PPP3CB: variants seen among roughly 807,000 people sequenced by gnomAD.
PPP3CB encodes serine/threonine-protein phosphatase 2B catalytic subunit beta isoform.
A neutral mutation model predicts 66.4 loss-of-function variants in PPP3CB; 8 were observed. The ratio of observed to expected loss-of-function variants is 0.12; its 90% CI spans 0.07 to 0.22. The LOEUF is 0.22. Ranked by LOEUF, PPP3CB falls within the 10% of genes least tolerant of loss-of-function variation. The pLI is 1.00. For missense variants in PPP3CB, 319 were observed against 642.5 expected (o/e 0.50, Z 5.44); for synonymous variants, 208 against 221.2 (o/e 0.94, Z 0.53).
chr10:73,489,361 G>A (rs2057035793), intron 1 of PPP3CB, among the ~76,000 whole-genome samples: 1 of 151,222 alleles, frequency 6.6e-6, no homozygotes, highest in African/African-American at 2.4e-5. Context: ...GCCAGAATTA[G>A]CCATCAAAAA....
intron 13 of PPP3CB, 23 bp from the exon 14 acceptor site, chr10:73,438,443 A>C: frequency 6.4e-7 from 1 of 1,565,142 alleles, no homozygotes; most frequent in African/African-American, 1.4e-5. Flanking sequence ...CAAATTTGAT[A>C]AGTCAGTAAT....
intron 9 of PPP3CB, 63 bp from the exon 10 acceptor site, chr10:73,454,552 G>C: frequency 9.3e-7 from 1 of 1,070,374 alleles, no homozygotes; most frequent in South Asian, 1.5e-5. Flanking sequence ...CATACACATA[G>C]CAACTATTTT....
chr10:73,450,784 G>A (rs899925696), intron 10 of PPP3CB, among the ~76,000 whole-genome samples: 1 of 152,098 alleles, frequency 6.6e-6, no homozygotes, highest in African/African-American at 2.4e-5. Context: ...AAGAAAACCT[G>A]AGAAATTAGG....
At chr10:73,467,124 TATAGA>T (rs2056629582) in intron 9 of PPP3CB, 1 of 152,130 alleles carries the variant, frequency 6.6e-6, no homozygotes, top group Non-Finnish European at 1.5e-5. Flanking sequence ...TCTCTTAAAG[TATAGA>T]ACAGCTATTA....
At chr10:73,451,795 G>T (rs1439267745) in intron 10 of PPP3CB, among the ~76,000 whole-genome samples, 2 of 149,520 alleles carry the variant, frequency 1.3e-5, no homozygotes, top group Admixed American at 1.3e-4. Flanking sequence ...GCCCAGGCTG[G>T]AGTGCAGTGG....
intron 1 of PPP3CB, among the ~76,000 whole-genome samples, chr10:73,482,903 C>A (rs1370708965): frequency 6.6e-6 from 1 of 152,152 alleles, no homozygotes; most frequent in African/African-American, 2.4e-5. Context: ...CAAGCGTCAG[C>A]CACTGTGCCT....
chr10:73,463,271 A>G (rs958209937), intron 9 of PPP3CB, among the ~76,000 whole-genome samples: 3 of 152,158 alleles, frequency 2.0e-5, no homozygotes, highest in Admixed American at 6.6e-5. Flanking sequence ...GTGTAACTTC[A>G]TAACAGGTCT....
chr10:73,468,353 T>A (rs886817196), intron 8 of PPP3CB, among the ~76,000 whole-genome samples: 2 of 152,208 alleles, frequency 1.3e-5, no homozygotes, highest in Non-Finnish European at 2.9e-5. Context: ...TATGTTGATA[T>A]AATTAAAATC....
chr10:73,442,600 T>C (rs2056166343), intron 12 of PPP3CB, among the ~76,000 whole-genome samples: 1 of 152,210 alleles, frequency 6.6e-6, no homozygotes, highest in Non-Finnish European at 1.5e-5. Flanking sequence ...ATCAAATGTT[T>C]AAGATCTTGT....
At chr10:73,449,349 GTCCAATCTGGGAAATTTGGGGGACA>G (rs1276146646) in intron 10 of PPP3CB, among the ~76,000 whole-genome samples, 7 of 151,026 alleles carry the variant, frequency 4.6e-5, no homozygotes, top group Non-Finnish European at 1.0e-4. Context: ...TCTGTCCCCA[GTCCAATCTGGGAAATTTGGGGGACA>G]TCTTTTTGCA....
intron 9 of PPP3CB, chr10:73,466,950 C>A (rs1180977344): frequency 1.3e-5 from 2 of 152,072 alleles, no homozygotes; most frequent in Non-Finnish European, 2.9e-5. Context: ...AAATGAAACA[C>A]AGAAACAGAA....
intron 1 of PPP3CB, among the ~76,000 whole-genome samples, chr10:73,481,404 C>T (rs1282234541): frequency 6.6e-6 from 1 of 150,706 alleles, no homozygotes; most frequent in African/African-American, 2.4e-5. Context: ...CCCGGGGAGG[C>T]AGAAGTTGCA....
chr10:73,478,679 A>T, intron 2 of PPP3CB, 56 bp from the exon 3 acceptor site: 1 of 1,495,840 alleles, frequency 6.7e-7, no homozygotes, highest in East Asian at 2.3e-5. Flanking sequence ...AACAAATTTT[A>T]CTTAAGTTAA....
At chr10:73,447,238 T>C (rs1233794597) in intron 10 of PPP3CB, among the ~76,000 whole-genome samples, 1 of 152,158 alleles carries the variant, frequency 6.6e-6, no homozygotes, top group African/African-American at 2.4e-5. Flanking sequence ...TAGGTGAGTA[T>C]GACATAAGCA....
chr10:73,482,213 T>C (rs958433662), intron 1 of PPP3CB, among the ~76,000 whole-genome samples: 31 of 152,222 alleles, frequency 2.0e-4, no homozygotes, highest in African/African-American at 7.5e-4. Flanking sequence ...TTTTTTTTTT[T>C]TTTAGCACTC....
At chr10:73,466,337 A>G (rs956169485) in intron 9 of PPP3CB, among the ~76,000 whole-genome samples, 16 of 152,214 alleles carry the variant, frequency 1.1e-4, no homozygotes, top group African/African-American at 3.9e-4. Flanking sequence ...AGAGAATCAA[A>G]TTAGAATCTA....
At position 73,438,047 on chromosome 10, in the gene PPP3CB, GA is replaced by G; in HGVS notation, c.*194del. The G allele has an allele frequency of 3.9e-6, 2 of 517,734 alleles. No homozygotes were observed. The highest frequency in any genetic ancestry group is 3.3e-6 in the Non-Finnish European group (1 of 306,174). 32.1% of individuals were successfully genotyped at this position (517,734 alleles called of 1,614,324 possible). A position where few individuals can be genotyped will look rare whatever the true frequency, so the allele number is the denominator to read the frequency against. On this transcript the variant is annotated 3_prime_UTR_variant, in exon 14 of 14. Transcript: ENST00000360663. ...CACTGCTCTCCACCTTGGCAGCGAT[GA>G]CCCAATCTTATCAGATAGCACATGT...
chr10:73,442,454 G>C (rs1758233693), intron 12 of PPP3CB, among the ~76,000 whole-genome samples: 1 of 152,208 alleles, frequency 6.6e-6, no homozygotes, highest in African/African-American at 2.4e-5. Flanking sequence ...AAGGATAACT[G>C]AGAGATGACT....
Position 73,474,932 on chromosome 10 carries a change from G to C in PPP3CB, c.510C>G (p.Thr170=). 6.2e-7 allele frequency: 1 copy of C among 1,613,770 alleles called. No individual in the cohort carries two copies. Among genetic ancestry groups the C allele is most frequent in the Non-Finnish European group, 8.5e-7 (1 of 1,179,926 alleles). The change falls in exon 4 of 14, where the codon ACC becomes ACG. Residue 170 remains threonine (T), a synonymous_variant. Transcript: ENST00000360663. ...GGCAGTACTCACATTCCTGCTTAAA[G>C]GTAAAATATTCAGTAAGGTGTCTGC... The part of the protein sequence containing the change: ...HECRHLTEYF[T]FKQECKIKYS...
Sources: gnomAD v4.1 joint callset for allele counts (sites outside exome capture counted in the v4.1 genomes callset) on GRCh38, gnomAD v4.1.1 for gene constraint, MANE v1.5 for transcripts, NCBI Gene and HGNC (gene_info 2026-07-23, HGNC 2026-07-21) for gene names.